Variants in NDUFB5 observed in about 807,000 individuals in gnomAD.
NDUFB5 encodes NADH dehydrogenase [ubiquinone] 1 beta subcomplex subunit 5, mitochondrial.
NDUFB5 carries 19 observed loss-of-function variants against 19.4 expected under a neutral mutation model. The ratio of observed to expected loss-of-function variants is 0.98; its 90% CI spans 0.68 to 1.43. The LOEUF (loss-of-function observed/expected upper bound fraction) is 1.43. Among genes scored for constraint, NDUFB5 ranks in the 40% most tolerant of loss-of-function variants. NDUFB5 has a pLI of 0.00. For synonymous variants in NDUFB5, 80 were observed against 82.6 expected, an observed-to-expected ratio of 0.97 and a Z score of 0.17; for missense variants, 233 against 236.5, an observed-to-expected ratio of 0.99 and a Z score of 0.10.
chr3:179,625,189 C>G lies in NDUFB5; in HGVS notation c.*1149C>G, dbSNP rs1418735346. 6.6e-6 allele frequency: 1 copy of G among 152,212 alleles called. No individual in the cohort carries two copies. The highest frequency in any genetic ancestry group is 2.4e-5 in the African/African-American group (1 of 41,454). 9.4% of individuals were successfully genotyped at this position (152,212 alleles called of 1,614,324 possible). A position where few individuals can be genotyped will look rare whatever the true frequency, so the allele number is the denominator to read the frequency against. On this transcript the variant is annotated 3_prime_UTR_variant, in exon 6 of 6. Transcript: ENST00000259037. ...ATAAACATTTAAAACATTTACACTTCAACTTCCAAAATGGCTTTTTACCAT... is the reference window on the plus strand; with the variant it reads ...ATAAACATTTAAAACATTTACACTTGAACTTCCAAAATGGCTTTTTACCAT...
At chr3:179,615,516 C>T (rs1289326977) in intron 2 of NDUFB5, 1 of 445,074 alleles carries the variant, frequency 2.2e-6, no homozygotes, top group Non-Finnish European at 4.5e-6. Context: ...AATATAATTA[C>T]ATTGCTTATT....
At chr3:179,622,409 G>A (rs984100670) in intron 5 of NDUFB5, among the ~76,000 whole-genome samples, 3 of 152,084 alleles carry the variant, frequency 2.0e-5, no homozygotes, top group Non-Finnish European at 2.9e-5. Context: ...CAGCTCCTGA[G>A]TAGCTAGGAC....
Position 179,624,795 on chromosome 3 carries a change from C to CTTTTTTTTTTTTTT in NDUFB5, c.*763_*776dup, listed in dbSNP as rs56727188. The CTTTTTTTTTTTTTT allele has an allele frequency of 9.3e-5, 9 of 97,260 alleles. No individual in the cohort carries two copies. The highest frequency in any genetic ancestry group is 1.4e-4 in the African/African-American group (4 of 28,524). 6.0% of individuals were successfully genotyped at this position (97,260 alleles called of 1,614,324 possible). ...GCATTTTTTAACATTATTTTCTTTT[C>CTTTTTTTTTTTTTT]TTTTTTTTTTTTTTTTTTTTTGACG... On this transcript the variant is annotated 3_prime_UTR_variant, in exon 6 of 6. Transcript: ENST00000259037.
intron 5 of NDUFB5, 33 bp downstream of exon 5, chr3:179,618,554 A>C (rs769179133): frequency 7.0e-7 from 1 of 1,437,046 alleles, no homozygotes; most frequent in African/African-American, 1.4e-5. Flanking sequence ...TGGGAAAGAA[A>C]ATCTTCCTAA....
chr3:179,605,149 G>C (rs540097646), intron 1 of NDUFB5, among the ~76,000 whole-genome samples: 1 of 54,004 alleles, frequency 1.9e-5, no homozygotes, highest in African/African-American at 3.3e-5. Flanking sequence ...TTTCTAAAAC[G>C]TTGTTATTCA....
At chr3:179,607,566 T>A (rs1719136634) in intron 1 of NDUFB5, among the ~76,000 whole-genome samples, 1 of 152,182 alleles carries the variant, frequency 6.6e-6, no homozygotes, top group Admixed American at 6.5e-5. Flanking sequence ...CAGTAGCCTT[T>A]AAAAAAATTG....
intron 5 of NDUFB5, among the ~76,000 whole-genome samples, chr3:179,621,050 A>C (rs1719521346): frequency 6.6e-6 from 1 of 151,916 alleles, no homozygotes; most frequent in Admixed American, 6.6e-5. Flanking sequence ...TAGTTTTTTT[A>C]ATATCTATTA....
In NDUFB5 at chr3:179,624,224, A is replaced by G; in HGVS notation, c.*184A>G. On this transcript the variant is annotated 3_prime_UTR_variant, in exon 6 of 6. Transcript: ENST00000259037. The stretch of plus-strand genomic sequence containing the variant: ...TTCCAGTCCCCAAAGAAGGTTTAAA[A>G]TGTACTAATAAAAACTGGAGAAATA... The G allele has an allele frequency of 2.2e-6, 1 of 446,730 alleles. No individual in the cohort carries two copies. The highest frequency in any genetic ancestry group is 2.1e-5 in the African/African-American group (1 of 48,718). The allele number at this position is 446,730 out of a possible 1,614,324, so 27.7% of individuals were successfully genotyped here.
At chr3:179,616,486 G>A (rs2108399156) in intron 3 of NDUFB5, among the ~76,000 whole-genome samples, 1 of 152,150 alleles carries the variant, frequency 6.6e-6, no homozygotes, top group African/African-American at 2.4e-5. Flanking sequence ...AGGTTGCAGT[G>A]AGCTGAGATG....
intron 5 of NDUFB5, 129 bp from the exon 6 acceptor site, chr3:179,623,791 A>G: frequency 8.6e-7 from 1 of 1,164,638 alleles, no homozygotes; most frequent in Non-Finnish European, 1.3e-6. Flanking sequence ...ATGCCTACAT[A>G]AGGGTCTGTG....
rs549190717 is a variant in NDUFB5 at position 179,608,250 on chromosome 3, C to T, written c.124+3311C>T. On this transcript the variant is annotated intron_variant, in intron 1 of 5. Transcript: ENST00000259037. ...TGTTGCCCAGGCTGGAGTGCAGTGG[C>T]GCGATCTTGGCTCACACAGCCATCT... is the stretch of plus-strand genomic sequence containing the variant. Among the ~76,000 whole-genome samples, 26 of 151,650 alleles carry T rather than the reference C, an allele frequency of 1.7e-4. No individual in the cohort carries two copies. The East Asian group carries it at 4.1e-3, about 24-fold the overall frequency.
In NDUFB5 at chr3:179,614,965, TC is replaced by T; in HGVS notation, c.125-3del. The T allele has an allele frequency of 6.3e-7, 1 of 1,597,358 alleles. No homozygotes were observed. Among genetic ancestry groups the T allele is most frequent in the Non-Finnish European group, 8.6e-7 (1 of 1,166,900 alleles). ...TGTATAAAACAGGGTAATTCAATATTCCCAGCTCCTGTTCGACACAGTGGAG... is the reference window on the plus strand; with the variant it reads ...TGTATAAAACAGGGTAATTCAATATTCCAGCTCCTGTTCGACACAGTGGAG... On this transcript the variant is annotated splice_region_variant and splice_polypyrimidine_tract_variant and intron_variant, in intron 1 of 5. Coordinates refer to ENST00000259037, the MANE Select transcript of NDUFB5 (RefSeq NM_002492.4).
chr3:179,616,556 A>AG (rs1001832712), intron 3 of NDUFB5, among the ~76,000 whole-genome samples: 1 of 152,082 alleles, frequency 6.6e-6, no homozygotes, highest in Non-Finnish European at 1.5e-5. Flanking sequence ...CCAAAAAAAA[A>AG]CTATAATCCT....
At chr3:179,609,220 A>G (rs1464543572) in intron 1 of NDUFB5, among the ~76,000 whole-genome samples, 2 of 152,216 alleles carry the variant, frequency 1.3e-5, no homozygotes, top group East Asian at 3.9e-4. Flanking sequence ...TCTTATGGGT[A>G]TATCTGCAGA....
chr3:179,615,858 G>C (rs1017494561), intron 2 of NDUFB5, 125 bp from the exon 3 acceptor site: 1 of 720,498 alleles, frequency 1.4e-6, no homozygotes. Context: ...CAATAATTTG[G>C]TACTGTATGC....
intron 5 of NDUFB5, among the ~76,000 whole-genome samples, chr3:179,621,780 C>T (rs992015160): frequency 1.5e-4 from 23 of 151,810 alleles, no homozygotes; most frequent in Non-Finnish European, 2.8e-4. Flanking sequence ...CATACCTGGC[C>T]GCTAATAAAT....
Position 179,607,212 on chromosome 3 carries a change from A to C in NDUFB5, c.124+2273A>C, listed in dbSNP as rs145976750. 2.7e-3 allele frequency among the ~76,000 whole-genome samples: 416 copies of C among 152,328 alleles called. 2 individuals are homozygous for C. Among genetic ancestry groups the C allele is most frequent in the Non-Finnish European group, 4.8e-3 (327 of 68,026 alleles). On this transcript the variant is annotated intron_variant, in intron 1 of 5. Transcript: ENST00000259037. ...GTTTACTAAAGGTTACTGTGTTTTC[A>C]GCTGTGTACCTGCTTTCAAAGGTAT... is the stretch of plus-strand genomic sequence containing the variant.
intron 5 of NDUFB5, among the ~76,000 whole-genome samples, chr3:179,620,558 C>G (rs1719508959): frequency 6.6e-6 from 1 of 152,086 alleles, no homozygotes; most frequent in East Asian, 1.9e-4. Flanking sequence ...TAGTCTATAT[C>G]TCTGTTTTGG....
intron 3 of NDUFB5, 116 bp from the exon 4 acceptor site, chr3:179,616,867 A>C (rs2108399562): frequency 1.4e-6 from 1 of 721,868 alleles, no homozygotes; most frequent in Non-Finnish European, 2.3e-6. Flanking sequence ...CATTGGTACA[A>C]ATTTTTTAAA....
Sources: allele counts gnomAD v4.1 joint callset (sites outside exome capture counted in the v4.1 genomes callset), GRCh38; gene constraint gnomAD v4.1.1; transcripts MANE v1.5; gene names NCBI Gene and HGNC (gene_info 2026-07-23, HGNC 2026-07-21).